The following KIRREL3 variants were observed in gnomAD, a reference collection of about 807,000 sequenced individuals.
The protein encoded by KIRREL3 is kirre like nephrin family adhesion molecule 3, also known as kin of IRRE-like protein 3.
A neutral mutation model predicts 89.7 loss-of-function variants in KIRREL3; 36 were observed. The ratio of observed to expected loss-of-function variants is 0.40; its 90% confidence interval spans 0.31 to 0.53. KIRREL3 has a LOEUF of 0.53. Ranked by LOEUF, KIRREL3 falls within the 20% of genes least tolerant of loss-of-function variation. The pLI is 0.49. For synonymous variants in KIRREL3, 445 were observed against 441.4 expected, an observed-to-expected ratio of 1.01 and a Z score of -0.10; for missense variants, 864 against 1,056.6, an observed-to-expected ratio of 0.82 and a Z score of 2.53.
intron 1 of KIRREL3, among the ~76,000 whole-genome samples, chr11:126,887,175 C>A (rs552806766): frequency 7.2e-5 from 11 of 152,138 alleles, no homozygotes; most frequent in Non-Finnish European, 1.6e-4. Flanking sequence ...GAAATGATTG[C>A]TTCTGAATAA....
At chr11:126,488,653 C>G (rs555118825) in intron 4 of KIRREL3, among the ~76,000 whole-genome samples, 8 of 152,174 alleles carry the variant, frequency 5.3e-5, no homozygotes, top group Non-Finnish European at 1.2e-4. Flanking sequence ...GGCCTGTGGC[C>G]CAGGGAGCTG....
Position 126,431,584 on chromosome 11 carries a change from C to T in KIRREL3, c.1589-58G>A. The T allele has an allele frequency of 6.5e-7, 1 of 1,530,026 alleles. No individual in the cohort carries two copies. Among genetic ancestry groups the T allele is most frequent in the South Asian group, 1.1e-5 (1 of 88,190 alleles). 94.8% of individuals were successfully genotyped at this position (1,530,026 alleles called of 1,614,324 possible). On this transcript the variant is annotated intron_variant, in intron 13 of 16. Transcript: ENST00000525144. This position sits in a 1 kb window ranked among gnomAD's most constrained non-coding sequence, Gnocchi z 7.1. ...GATGGGGAATGGCCTACTATCCCCC[C>T]ATGATCTCACCCCGTTCCTGCGGGG...
At chr11:126,855,466 C>T (rs1357329107) in intron 1 of KIRREL3, among the ~76,000 whole-genome samples, 1 of 152,202 alleles carries the variant, frequency 6.6e-6, no homozygotes, top group African/African-American at 2.4e-5. Flanking sequence ...AATTGTGAGT[C>T]AACAAAACCT....
intron 1 of KIRREL3, among the ~76,000 whole-genome samples, chr11:126,580,479 C>A (rs1163754401): frequency 6.6e-6 from 1 of 152,104 alleles, no homozygotes; most frequent in African/African-American, 2.4e-5. Flanking sequence ...AAGGGGGTCC[C>A]TGAGTGGAAG....
Position 126,498,848 on chromosome 11 carries a change from G to A in KIRREL3, c.433+22467C>T, listed in dbSNP as rs756253217. Among the ~76,000 whole-genome samples the A allele has an allele frequency of 6.6e-6, 1 of 152,160 alleles. No individual in the cohort carries two copies. Among genetic ancestry groups the A allele is most frequent in the Admixed American group, 6.5e-5 (1 of 15,276 alleles). On this transcript the variant is annotated intron_variant, in intron 4 of 16. Coordinates refer to ENST00000525144, the MANE Select transcript of KIRREL3 (RefSeq NM_032531.4). The surrounding 1 kb of genome is among the most constrained non-coding windows in gnomAD (Gnocchi z 4.3). ...TTCTTCACAGGCTCAGGACCTCGAC[G>A]CACGGAAACTTCTGGATCATTAAAG... is the stretch of plus-strand genomic sequence containing the variant.
At chr11:126,518,560 C>G (rs930810333) in intron 4 of KIRREL3, among the ~76,000 whole-genome samples, 1 of 152,286 alleles carries the variant, frequency 6.6e-6, no homozygotes, top group Admixed American at 6.5e-5. Context: ...TTAGGAAGCT[C>G]TCTCATTCCT....
intron 1 of KIRREL3, among the ~76,000 whole-genome samples, chr11:126,868,323 T>G (rs1214236088): frequency 6.6e-6 from 1 of 152,076 alleles, no homozygotes; most frequent in South Asian, 2.1e-4. Context: ...AGAGTGTGGA[T>G]AAGGGCGTTA....
chr11:126,925,441 A>G (rs1043244888), intron 1 of KIRREL3, among the ~76,000 whole-genome samples: 15 of 152,198 alleles, frequency 9.9e-5, no homozygotes, highest in African/African-American at 3.4e-4. Context: ...GCCTGGAGAC[A>G]CAGAGGCTGC....
At chr11:126,581,384 TAG>T (rs574013620) in intron 1 of KIRREL3, among the ~76,000 whole-genome samples, 55 of 152,120 alleles carry the variant, frequency 3.6e-4, no homozygotes, top group Admixed American at 7.2e-4. Context: ...TGTATTTTTG[TAG>T]AGACAGGGTT....
rs1325760097 is a variant in KIRREL3, at chr11:126,475,967, G to A, written c.434-2501C>T. The stretch of plus-strand genomic sequence containing the variant: ...AGCTAGCTGAGGGCCTGGAAAAAGA[G>A]CCACGTGGAGCCCTGGGGACAGCCT... On this transcript the variant is annotated intron_variant, in intron 4 of 16. Coordinates refer to ENST00000525144, the MANE Select transcript of KIRREL3 (RefSeq NM_032531.4). The surrounding 1 kb of genome is among the most constrained non-coding windows in gnomAD (Gnocchi z 7.5). Among the ~76,000 whole-genome samples the A allele has an allele frequency of 6.6e-6, 1 of 152,230 alleles. No homozygotes were observed. Among genetic ancestry groups the A allele is most frequent in the African/African-American group, 2.4e-5 (1 of 41,472 alleles).
At chr11:126,472,648 G>A (rs1222721353) in intron 5 of KIRREL3, among the ~76,000 whole-genome samples, 3 of 150,902 alleles carry the variant, frequency 2.0e-5, no homozygotes, top group African/African-American at 7.3e-5. Context: ...GAGTCTCCTC[G>A]TCTGACCATG....
chr11:126,923,187 CTCTTCTTCTTCT>C lies in KIRREL3; in HGVS notation c.55+77256_55+77267del, dbSNP rs1209221075. On this transcript the variant is annotated intron_variant, in intron 1 of 16. Coordinates refer to ENST00000525144, the MANE Select transcript of KIRREL3 (RefSeq NM_032531.4). ...TTCTTCTTCTTCTTCTCTTCTTCTTCTCTTCTTCTTCTTCTTCTTCTTCTTCTTCTTCTTCTT... is the reference window on the plus strand; with the variant it reads ...TTCTTCTTCTTCTTCTCTTCTTCTTCTCTTCTTCTTCTTCTTCTTCTTCTT... Among the ~76,000 whole-genome samples, 68 of 23,818 alleles carry C rather than the reference CTCTTCTTCTTCT, an allele frequency of 2.9e-3. 9 individuals are homozygous for C. Among genetic ancestry groups the C allele is most frequent in the South Asian group, 0.011 (5 of 454 alleles). The allele number at this position is 23,818 out of a possible 152,430, so 15.6% of individuals were successfully genotyped here. A position where few individuals can be genotyped will look rare whatever the true frequency, so the allele number is the denominator to read the frequency against.
chr11:126,707,211 GT>G (rs1203238295), intron 1 of KIRREL3, among the ~76,000 whole-genome samples: 1 of 138,044 alleles, frequency 7.2e-6, no homozygotes, highest in African/African-American at 2.7e-5. Flanking sequence ...CTCTCAAAGT[GT>G]TTGGATTGCA....
Position 126,432,688 on chromosome 11 carries a change from C to T in KIRREL3, c.1589-1162G>A. ...CTGCTGCTGCTCCGAGTCCTGGCTCCATCCCTTCTGCTGAGCAACTGACTT... is the reference window on the plus strand; with the variant it reads ...CTGCTGCTGCTCCGAGTCCTGGCTCTATCCCTTCTGCTGAGCAACTGACTT... On this transcript the variant is annotated intron_variant, in intron 13 of 16. Transcript: ENST00000525144. This position sits in a 1 kb window ranked among gnomAD's most constrained non-coding sequence, Gnocchi z 6.2. 6.6e-6 allele frequency among the ~76,000 whole-genome samples: 1 copy of T among 152,130 alleles called. No individual in the cohort carries two copies. The highest frequency in any genetic ancestry group is 1.9e-4 in the East Asian group (1 of 5,174).
intron 1 of KIRREL3, among the ~76,000 whole-genome samples, chr11:126,816,159 TAAGA>T (rs1257588910): frequency 6.6e-6 from 1 of 152,228 alleles, no homozygotes; most frequent in Admixed American, 6.5e-5. Context: ...ATTGGAGTCT[TAAGA>T]AAGAGTTAGT....
At chr11:126,633,418 G>A (rs1475814583) in intron 1 of KIRREL3, among the ~76,000 whole-genome samples, 2 of 152,170 alleles carry the variant, frequency 1.3e-5, no homozygotes, top group African/African-American at 4.8e-5. Context: ...GGAGGTGTTT[G>A]GGTTGTGGGG....
rs1446986362 is a variant in KIRREL3, at chr11:126,440,536, G to A, written c.1266C>T (p.Ile422=). The A allele has an allele frequency of 6.3e-7, 1 of 1,599,296 alleles. No individual in the cohort carries two copies. The highest frequency in any genetic ancestry group is 8.5e-7 in the Non-Finnish European group (1 of 1,173,368). ...GGGCGTGCTGGGTCTGGGTGCTGGA[G>A]ATGATGGGGGGTCCTGTTGAGAAAC... The part of the protein sequence containing the change: ...VTLTVNGPPI[I]SSTQTQHALH... Residue 422 remains isoleucine (I), a synonymous_variant, in exon 11 of 17, where the codon ATC becomes ATT. Coordinates refer to ENST00000525144, the MANE Select transcript of KIRREL3 (RefSeq NM_032531.4).
At chr11:126,690,825 G>A (rs1363339432) in intron 1 of KIRREL3, among the ~76,000 whole-genome samples, 2 of 152,180 alleles carry the variant, frequency 1.3e-5, no homozygotes, top group Non-Finnish European at 2.9e-5. Context: ...AAGCACTGGG[G>A]GATTTTCTGT....
intron 1 of KIRREL3, among the ~76,000 whole-genome samples, chr11:126,757,972 C>T (rs1949558698): frequency 6.6e-6 from 1 of 152,168 alleles, no homozygotes; most frequent in South Asian, 2.1e-4. Context: ...GTATCATTTG[C>T]AAGGGTGGTG....
Sources: allele counts gnomAD v4.1 joint callset (sites outside exome capture counted in the v4.1 genomes callset), GRCh38; gene constraint gnomAD v4.1.1; non-coding constraint Gnocchi (gnomAD v3.1); transcripts MANE v1.5; gene names NCBI Gene and HGNC (gene_info 2026-07-23, HGNC 2026-07-21).